Variants in SUCLG2 observed in about 807,000 individuals in gnomAD.
SUCLG2 encodes succinate--CoA ligase [GDP-forming] subunit beta, mitochondrial.
In SUCLG2, 42 loss-of-function variants were observed where a neutral mutation model predicts 47.9. That is an observed-to-expected ratio of 0.88 (90% CI 0.69 to 1.14). The LOEUF is 1.14. Among genes scored for constraint, SUCLG2 ranks in the 50% most tolerant of loss-of-function variants. The pLI is 0.00. For missense variants in SUCLG2, 571 were observed against 525.9 expected (o/e 1.09, Z -0.84); for synonymous variants, 195 against 197.3 (o/e 0.99, Z 0.10).
At chr3:67,606,375 G>A (rs1700419881) in intron 2 of SUCLG2, among the ~76,000 whole-genome samples, 1 of 152,180 alleles carries the variant, frequency 6.6e-6, no homozygotes, top group African/African-American at 2.4e-5. Flanking sequence ...TAAGAGGGGT[G>A]AGGGGAGTAA....
At chr3:67,396,728 A>G (rs988683569) in intron 10 of SUCLG2, among the ~76,000 whole-genome samples, 5 of 152,206 alleles carry the variant, frequency 3.3e-5, no homozygotes, top group African/African-American at 4.8e-5. Flanking sequence ...AAAAAAGAGA[A>G]TTTTAGACCA....
chr3:67,570,254 AT>A (rs1707569467), intron 2 of SUCLG2, among the ~76,000 whole-genome samples: 1 of 152,210 alleles, frequency 6.6e-6, no homozygotes, highest in Admixed American at 6.5e-5. Flanking sequence ...AGTGGGTAGC[AT>A]TTTGTTATGG....
intron 1 of SUCLG2, among the ~76,000 whole-genome samples, chr3:67,627,934 T>C (rs1268544738): frequency 6.6e-6 from 1 of 152,156 alleles, no homozygotes; most frequent in East Asian, 1.9e-4. Flanking sequence ...TTATCTTGGG[T>C]TGGGGGTGGG....
At chr3:67,508,984 A>T in intron 6 of SUCLG2, 81 bp from the exon 7 acceptor site, 1 of 980,274 alleles carries the variant, frequency 1.0e-6, no homozygotes, top group Non-Finnish European at 1.5e-6. Flanking sequence ...AACCTTAAAA[A>T]TAGCAAGTTA....
intron 2 of SUCLG2, among the ~76,000 whole-genome samples, chr3:67,608,947 G>A (rs1700477856): frequency 6.6e-6 from 1 of 152,158 alleles, no homozygotes; most frequent in East Asian, 1.9e-4. Context: ...AAAGTACTGA[G>A]ATTATAGGCA....
intron 4 of SUCLG2, among the ~76,000 whole-genome samples, chr3:67,524,246 T>C (rs1279414809): frequency 6.6e-6 from 1 of 152,192 alleles, no homozygotes; most frequent in Non-Finnish European, 1.5e-5. Flanking sequence ...ACAAAGAATA[T>C]GTTGACACAT....
chr3:67,654,510 C>G lies in SUCLG2; in HGVS notation c.77G>C (p.Gly26Ala), dbSNP rs767326428. 5 of 1,241,714 alleles carry G rather than the reference C, an allele frequency of 4.0e-6. No individual in the cohort carries two copies. Among genetic ancestry groups the G allele is most frequent in the Middle Eastern group, 3.0e-4 (1 of 3,338 alleles). 76.9% of individuals were successfully genotyped at this position (1,241,714 alleles called of 1,614,324 possible). The change falls in exon 1 of 11, where the codon GGG (glycine) becomes GCG (alanine). Residue 26 changes from glycine to alanine, a missense_variant. Transcript: ENST00000307227. ...LALRPRFLAA[G>A]SQAVQLTSRR... is the part of the protein sequence containing the mutation. ...TCCTGCCCCCACGCTCACCTGGGAC[C>G]CGGCCGCCAGGAAGCGGGGCCGCAG...
At chr3:67,524,863 G>T (rs1706212961) in intron 4 of SUCLG2, among the ~76,000 whole-genome samples, 2 of 152,192 alleles carry the variant, frequency 1.3e-5, no homozygotes, top group African/African-American at 4.8e-5. Context: ...CAGGCAGGGT[G>T]CTGGGTGCTA....
At chr3:67,549,431 T>A (rs753095755) in intron 2 of SUCLG2, among the ~76,000 whole-genome samples, 9 of 152,132 alleles carry the variant, frequency 5.9e-5, no homozygotes, top group Non-Finnish European at 1.0e-4. Flanking sequence ...CCAAAACATA[T>A]CTGTGGTACA....
chr3:67,383,024 T>G (rs1702190765), intron 10 of SUCLG2, among the ~76,000 whole-genome samples: 1 of 152,236 alleles, frequency 6.6e-6, no homozygotes, highest in Admixed American at 6.5e-5. Context: ...GCCTTGTTAC[T>G]TTATGTCAGA....
intron 2 of SUCLG2, among the ~76,000 whole-genome samples, chr3:67,579,492 A>C (rs191852970): frequency 6.6e-6 from 1 of 152,180 alleles, no homozygotes; most frequent in African/African-American, 2.4e-5. Context: ...TATTACTCAG[A>C]CTACGTGCAA....
intron 9 of SUCLG2, among the ~76,000 whole-genome samples, chr3:67,406,549 G>T (rs13059508): frequency 2.0e-5 from 3 of 151,890 alleles, no homozygotes; most frequent in Non-Finnish European, 4.4e-5. Flanking sequence ...GATTAAGAGA[G>T]GGAGAAAAGT....
intron 7 of SUCLG2, among the ~76,000 whole-genome samples, chr3:67,499,797 T>A (rs2107072708): frequency 6.6e-6 from 1 of 152,214 alleles, no homozygotes; most frequent in African/African-American, 2.4e-5. Flanking sequence ...AGTGGCGCAA[T>A]CTCGGCTCAC....
intron 1 of SUCLG2, among the ~76,000 whole-genome samples, chr3:67,641,233 C>T (rs1394000037): frequency 6.6e-6 from 1 of 152,150 alleles, no homozygotes; most frequent in African/African-American, 2.4e-5. Flanking sequence ...TAGAAATGGT[C>T]AGAGCTTCTC....
At position 67,520,556 on chromosome 3, in the gene SUCLG2, CG is replaced by C. The variant is rs2107128454; in HGVS notation, c.495del (p.Val166CysfsTer34). On this transcript the variant is annotated frameshift_variant, in exon 5 of 11. Coordinates refer to ENST00000307227, the MANE Select transcript of SUCLG2 (RefSeq NM_003848.4). LOFTEE classifies it high-confidence loss of function. ...CCCCCCTGGGGGCTGCCCACCAGCA[CG>C]GGGCCATTGCAGGACCGGTCCATCA... ...AILMDRSCNG[P>X]VLVGSPQGGV... 3.1e-6 allele frequency: 5 copies of C among 1,614,184 alleles called. No homozygotes were observed. The highest frequency in any genetic ancestry group is 3.4e-6 in the Non-Finnish European group (4 of 1,180,006).
At chr3:67,396,744 C>G (rs1338717992) in intron 10 of SUCLG2, among the ~76,000 whole-genome samples, 1 of 152,188 alleles carries the variant, frequency 6.6e-6, no homozygotes, top group Admixed American at 6.5e-5. Context: ...GACCAACGTT[C>G]TTGATGAACA....
chr3:67,623,139 G>T lies in SUCLG2; in HGVS notation c.85-13543C>A, dbSNP rs902012778. On this transcript the variant is annotated intron_variant, in intron 1 of 10. Transcript: ENST00000307227. ...TATGTCATTCCCCCCACCCACTCAG[G>T]TGAGTCTCTGTGGTGGCAAAAGAGG... Among the ~76,000 whole-genome samples the T allele has an allele frequency of 2.0e-5, 3 of 152,058 alleles. No individual in the cohort carries two copies. The East Asian group carries it at 5.8e-4, about 29-fold the overall frequency.
chr3:67,502,177 A>G (rs544072886), intron 7 of SUCLG2, among the ~76,000 whole-genome samples: 1 of 152,334 alleles, frequency 6.6e-6, no homozygotes, highest in Non-Finnish European at 1.5e-5. Flanking sequence ...GAATCATAGG[A>G]TACCTAGCTA....
intron 2 of SUCLG2, among the ~76,000 whole-genome samples, chr3:67,592,743 A>AAAAAAAAAAAAAAAC (rs1559587055): frequency 1.3e-5 from 2 of 148,482 alleles, no homozygotes; most frequent in African/African-American, 5.1e-5. Flanking sequence ...AAAACAACAA[A>AAAAAAAAAAAAAAAC]AAAAAACTGA....
Sources: allele counts gnomAD v4.1 joint callset (sites outside exome capture counted in the v4.1 genomes callset), GRCh38; gene constraint gnomAD v4.1.1; transcripts MANE v1.5; gene names NCBI Gene and HGNC (gene_info 2026-07-23, HGNC 2026-07-21).